LAMC1: variants seen among roughly 807,000 people sequenced by gnomAD.
LAMC1 encodes the protein laminin subunit gamma 1.
In LAMC1, 38 loss-of-function variants were observed where a neutral mutation model predicts 173.6. That is an observed-to-expected ratio of 0.22 (90% CI 0.17 to 0.29). The LOEUF (loss-of-function observed/expected upper bound fraction) is 0.29. Among genes scored for constraint, LAMC1 ranks in the 10% least tolerant of loss-of-function variants. LAMC1 has a pLI of 1.00. For missense variants in LAMC1, 1,824 were observed against 2,051.8 expected, an observed-to-expected ratio of 0.89 and a Z score of 2.14; for synonymous variants, 746 against 749.1, an observed-to-expected ratio of 1.00 and a Z score of 0.07.
intron 1 of LAMC1, among the ~76,000 whole-genome samples, chr1:183,098,728 A>G (rs1229370952): frequency 6.6e-6 from 1 of 152,246 alleles, no homozygotes; most frequent in African/African-American, 2.4e-5. Context: ...AGTCATCAGT[A>G]GAACTCGAAT....
chr1:183,114,402 G>A, intron 4 of LAMC1, 129 bp from the exon 5 acceptor site: 2 of 924,010 alleles, frequency 2.2e-6, no homozygotes, highest in South Asian at 1.3e-5. Context: ...AGTGCATCTG[G>A]TAATCATTCT....
intron 1 of LAMC1, among the ~76,000 whole-genome samples, chr1:183,056,336 C>T (rs1227815362): frequency 6.6e-6 from 1 of 152,184 alleles, no homozygotes; most frequent in East Asian, 1.9e-4. Context: ...GGTCGATCCA[C>T]CCTCTGCTTC....
rs1189754362 is a variant in LAMC1, at chr1:183,114,597, A to G, written c.1088A>G (p.His363Arg). Reference sequence around the variant, plus strand: ...CCTGAACTCTATCGTTCCACTGGCCATGGGGGCCACTGTACCAACTGCCAG... The same window carrying G: ...CCTGAACTCTATCGTTCCACTGGCCGTGGGGGCCACTGTACCAACTGCCAG... ...FDPELYRSTG[H>R]GGHCTNCQDN... The change falls in exon 5 of 28, where the codon CAT becomes CGT. Residue 363 changes from histidine to arginine, a missense_variant. By Grantham distance (29) the His-to-Arg change is conservative (BLOSUM62 0). Coordinates refer to ENST00000258341, the MANE Select transcript of LAMC1 (RefSeq NM_002293.4). 2.4e-5 allele frequency: 39 copies of G among 1,614,094 alleles called. No homozygotes were observed. The highest frequency in any genetic ancestry group is 3.2e-5 in the Non-Finnish European group (38 of 1,180,044).
intron 26 of LAMC1, among the ~76,000 whole-genome samples, chr1:183,138,819 C>A (rs1425774159): frequency 2.0e-5 from 3 of 151,964 alleles, no homozygotes; most frequent in Non-Finnish European, 4.4e-5. Flanking sequence ...TTTGAGAGGC[C>A]GAGGTGGGTG....
intron 11 of LAMC1, among the ~76,000 whole-genome samples, chr1:183,118,828 G>T (rs1049812675): frequency 2.0e-5 from 3 of 151,888 alleles, no homozygotes; most frequent in Non-Finnish European, 4.4e-5. Flanking sequence ...TTGAGCCATT[G>T]GTTAAATTAT....
chr1:183,143,905 TC>T lies in LAMC1; in HGVS notation c.*1118del, dbSNP rs766814539. 4.6e-5 allele frequency: 7 copies of T among 152,314 alleles called. No individual in the cohort carries two copies. Among genetic ancestry groups the T allele is most frequent in the Non-Finnish European group, 8.8e-5 (6 of 68,026 alleles). The allele number at this position is 152,314 out of a possible 1,614,324, so 9.4% of individuals were successfully genotyped here. ...CTTCTGATGTTTCCATCTTCCAGAATCCCTCAAAAAACATTGTTTGCCAAAT... is the reference window on the plus strand; with the variant it reads ...CTTCTGATGTTTCCATCTTCCAGAATCCTCAAAAAACATTGTTTGCCAAAT... On this transcript the variant is annotated 3_prime_UTR_variant, in exon 28 of 28. Transcript: ENST00000258341.
At chr1:183,130,143 C>T (rs576885971) in intron 18 of LAMC1, among the ~76,000 whole-genome samples, 5 of 152,034 alleles carry the variant, frequency 3.3e-5, no homozygotes, top group South Asian at 2.1e-4. Context: ...GATGGACGCA[C>T]GGTTGGAGGT....
chr1:183,120,080 G>A (rs967513476), intron 11 of LAMC1, among the ~76,000 whole-genome samples: 27 of 148,832 alleles, frequency 1.8e-4, no homozygotes, highest in Non-Finnish European at 2.8e-4. Context: ...GAGGGCAGGA[G>A]GATGCATGAA....
At chr1:183,098,783 C>T (rs1048310470) in intron 1 of LAMC1, among the ~76,000 whole-genome samples, 1 of 152,174 alleles carries the variant, frequency 6.6e-6, no homozygotes, top group African/African-American at 2.4e-5. Context: ...TTTGCATATG[C>T]ACCCAGACAG....
chr1:183,119,567 C>T (rs1206102706), intron 11 of LAMC1, among the ~76,000 whole-genome samples: 2 of 152,184 alleles, frequency 1.3e-5, no homozygotes, highest in Non-Finnish European at 1.5e-5. Context: ...AACCACATCT[C>T]TACTAAAAAG....
chr1:183,066,420 A>G (rs1654874302), intron 1 of LAMC1, among the ~76,000 whole-genome samples: 1 of 152,246 alleles, frequency 6.6e-6, no homozygotes, highest in African/African-American at 2.4e-5. Context: ...ATCTAGAACC[A>G]GAAATACCAT....
At chr1:183,080,647 GT>G (rs142657721) in intron 1 of LAMC1, among the ~76,000 whole-genome samples, 27 of 150,114 alleles carry the variant, frequency 1.8e-4, no homozygotes, top group South Asian at 1.7e-3. Flanking sequence ...GTTTCTTCCT[GT>G]TTTTTTTTTC....
chr1:183,105,016 C>G (rs1655933194), intron 2 of LAMC1, among the ~76,000 whole-genome samples: 1 of 149,928 alleles, frequency 6.7e-6, no homozygotes, highest in Non-Finnish European at 1.5e-5. Flanking sequence ...CAAAACCCAC[C>G]TGGCCAACAT....
intron 1 of LAMC1, among the ~76,000 whole-genome samples, chr1:183,075,088 A>G (rs1655091758): frequency 1.3e-5 from 2 of 152,100 alleles, no homozygotes; most frequent in Admixed American, 1.3e-4. Flanking sequence ...CAAGAATGAA[A>G]AAGAAAAGGG....
chr1:183,026,514 A>T (rs1160537481), intron 1 of LAMC1, among the ~76,000 whole-genome samples: 1 of 152,154 alleles, frequency 6.6e-6, no homozygotes, highest in Non-Finnish European at 1.5e-5. Flanking sequence ...GATGTTTAGC[A>T]TATTCACTCC....
At chr1:183,059,065 C>G (rs1654675890) in intron 1 of LAMC1, among the ~76,000 whole-genome samples, 1 of 152,202 alleles carries the variant, frequency 6.6e-6, no homozygotes, top group Admixed American at 6.5e-5. Context: ...GCAGTTGCTT[C>G]TATTGTGTTC....
intron 1 of LAMC1, among the ~76,000 whole-genome samples, chr1:183,043,727 G>A (rs1028027215): frequency 1.2e-4 from 18 of 152,098 alleles, no homozygotes; most frequent in Admixed American, 5.9e-4. Flanking sequence ...TTCCTCTAGG[G>A]ACATCCGTTC....
chr1:183,082,534 G>A (rs1655305140), intron 1 of LAMC1, among the ~76,000 whole-genome samples: 1 of 152,208 alleles, frequency 6.6e-6, no homozygotes, highest in Non-Finnish European at 1.5e-5. Context: ...GGTGATAGGT[G>A]TGTGTGTACG....
chr1:183,115,624 G>A lies in LAMC1; in HGVS notation c.1315G>A (p.Glu439Lys), dbSNP rs145965829. ...CCAGCCTGGATTCCATTCTCTCACT[G>A]AAGCAGGATGCAGGTAAAATATTTT... The part of the protein sequence containing the change: ...RCQPGFHSLT[E>K]AGCRPCSCDP... The change falls in exon 6 of 28, where the codon GAA becomes AAA. Residue 439 changes from glutamate (E) to lysine (K), a missense_variant. Transcript: ENST00000258341. 6.1e-5 allele frequency: 99 copies of A among 1,610,892 alleles called. 1 individual carries two copies. In the East Asian group the frequency reaches 2.2e-3, roughly 36 times the overall value.
Sources: gnomAD v4.1 joint callset for allele counts (sites outside exome capture counted in the v4.1 genomes callset) on GRCh38, gnomAD v4.1.1 for gene constraint, MANE v1.5 for transcripts, NCBI Gene and HGNC (gene_info 2026-07-23, HGNC 2026-07-21) for gene names.